Variants in PEAK1 observed in about 807,000 individuals in gnomAD.
PEAK1 encodes the protein pseudopodium enriched atypical kinase 1.
Under a neutral mutation model 124.7 loss-of-function variants are expected in PEAK1, and 54 were observed. The observed-to-expected ratio is 0.43, with a 90% CI of 0.35 to 0.54. The LOEUF (loss-of-function observed/expected upper bound fraction) is 0.54. Ranked by LOEUF, PEAK1 falls within the 20% of genes least tolerant of loss-of-function variation. PEAK1 has a pLI of 0.01. For synonymous variants in PEAK1, 719 were observed against 760.0 expected (o/e 0.95, Z 0.89); for missense variants, 2,046 against 2,134.5 (o/e 0.96, Z 0.82).
chr15:77,258,286 G>C (rs1206987810), intron 5 of PEAK1, among the ~76,000 whole-genome samples: 6 of 152,086 alleles, frequency 3.9e-5, no homozygotes, highest in African/African-American at 1.4e-4. Context: ...AGCTTGATGG[G>C]GATGGCATTG....
chr15:77,181,469 A>G lies in PEAK1; in HGVS notation c.458T>C (p.Leu153Ser), dbSNP rs2057267363. 6.2e-7 allele frequency: 1 copy of G among 1,614,008 alleles called. No individual in the cohort carries two copies. Residue 153 changes from leucine to serine, a missense_variant, in exon 7 of 10, where the codon TTA (leucine) becomes TCA (serine). Coordinates refer to ENST00000682557, the MANE Select transcript of PEAK1 (RefSeq NM_001385026.1). ...AGTATCCAAGCCTGCTATCTCCTTT[A>G]ACACTTCAGTTAGTCCATTATTGTT... Reference protein sequence around the residue: ...SDNNNGLTEVLKEIAGLDTAP... With the variant: ...SDNNNGLTEVSKEIAGLDTAP...
intron 6 of PEAK1, among the ~76,000 whole-genome samples, chr15:77,243,961 TC>T: frequency 6.7e-6 from 1 of 150,342 alleles, no homozygotes; most frequent in Non-Finnish European, 1.5e-5. Context: ...GAAGTGAAAC[TC>T]TTTCTCAAAA....
At chr15:77,320,020 T>C (rs1268631492) in intron 2 of PEAK1, among the ~76,000 whole-genome samples, 1 of 152,150 alleles carries the variant, frequency 6.6e-6, no homozygotes, top group Non-Finnish European at 1.5e-5. Context: ...TGCTTTAAAA[T>C]TTACTTTTGT....
chr15:77,383,644 A>G (rs2069676089), intron 1 of PEAK1, among the ~76,000 whole-genome samples: 1 of 152,106 alleles, frequency 6.6e-6, no homozygotes, highest in African/African-American at 2.4e-5. Context: ...AACTGGCATC[A>G]CCCCCATATA....
chr15:77,198,474 A>C (rs988023474), intron 6 of PEAK1, among the ~76,000 whole-genome samples: 1 of 152,178 alleles, frequency 6.6e-6, no homozygotes, highest in Non-Finnish European at 1.5e-5. Context: ...CTGTAGTTTG[A>C]GGTCTGTAGC....
chr15:77,167,801 A>G (rs2056212750), intron 7 of PEAK1, among the ~76,000 whole-genome samples: 1 of 152,138 alleles, frequency 6.6e-6, no homozygotes, highest in African/African-American at 2.4e-5. Flanking sequence ...GATTTGTTAC[A>G]TATGTATACA....
chr15:77,172,167 T>C (rs1052943335), intron 7 of PEAK1, among the ~76,000 whole-genome samples: 1 of 152,208 alleles, frequency 6.6e-6, no homozygotes, highest in African/African-American at 2.4e-5. Flanking sequence ...CTCAGTTACA[T>C]TCAAAGCCAT....
chr15:77,182,749 CAAAAAA>C lies in PEAK1; in HGVS notation c.-114-715_-114-710del, dbSNP rs71143395. 8.7e-3 allele frequency among the ~76,000 whole-genome samples: 564 copies of C among 65,160 alleles called. 10 individuals are homozygous for C. Among genetic ancestry groups the C allele is most frequent in the African/African-American group, 0.033 (532 of 16,208 alleles). The allele number at this position is 65,160 out of a possible 152,430, so 42.7% of individuals were successfully genotyped here. ...TGGGTGACAGAGTGAGACCTTGTCTCAAAAAAAAAAAAAAAAAAAAGGCTGAAAAGG... is the reference window on the plus strand; with the variant it reads ...TGGGTGACAGAGTGAGACCTTGTCTCAAAAAAAAAAAAAAGGCTGAAAAGG... On this transcript the variant is annotated intron_variant, in intron 6 of 9. Transcript: ENST00000682557.
chr15:77,218,530 T>C (rs2059247141), intron 6 of PEAK1, among the ~76,000 whole-genome samples: 1 of 152,112 alleles, frequency 6.6e-6, no homozygotes, highest in Non-Finnish European at 1.5e-5. Flanking sequence ...GTTAAGGAAT[T>C]ATGCCTCTAT....
chr15:77,167,420 A>G (rs1596442676), intron 7 of PEAK1, among the ~76,000 whole-genome samples: 1 of 152,244 alleles, frequency 6.6e-6, no homozygotes, highest in African/African-American at 2.4e-5. Context: ...ATTACGATAA[A>G]GTAAGATATT....
chr15:77,144,608 G>T (rs561577521), intron 8 of PEAK1, among the ~76,000 whole-genome samples: 1 of 152,184 alleles, frequency 6.6e-6, no homozygotes, highest in African/African-American at 2.4e-5. Context: ...AAGGTAGCAA[G>T]GAAATAAAGA....
chr15:77,366,533 A>G (rs2068252202), intron 1 of PEAK1, among the ~76,000 whole-genome samples: 1 of 152,034 alleles, frequency 6.6e-6, no homozygotes, highest in Admixed American at 6.6e-5. Context: ...GTTCATAGGA[A>G]TTTAAATTGG....
intron 6 of PEAK1, among the ~76,000 whole-genome samples, chr15:77,236,381 G>A (rs2060125419): frequency 6.6e-6 from 1 of 152,184 alleles, no homozygotes; most frequent in Non-Finnish European, 1.5e-5. Flanking sequence ...GATCATTTTG[G>A]GACTTTAAGA....
rs2057158826 is a variant in PEAK1 at position 77,180,164 on chromosome 15, G to A, written c.1763C>T (p.Pro588Leu). Residue 588 changes from proline to leucine, a missense_variant, in exon 7 of 10, where the codon CCT becomes CTT. By Grantham distance (98) the Pro-to-Leu change is moderately conservative. Transcript: ENST00000682557. ...ISSKTIPVKS[P>L]NLSEIKFNSY... ...ATTAAATTTAATTTCAGACAAATTAGGTGACTTAACAGGGATGGTTTTGGA... is the reference window on the plus strand; with the variant it reads ...ATTAAATTTAATTTCAGACAAATTAAGTGACTTAACAGGGATGGTTTTGGA... 3.1e-6 allele frequency: 5 copies of A among 1,613,946 alleles called. No homozygotes were observed. Among genetic ancestry groups the A allele is most frequent in the Admixed American group, 1.7e-5 (1 of 59,992 alleles).
At chr15:77,403,319 T>G (rs1397202207) in intron 1 of PEAK1, 1 of 953,382 alleles carries the variant, frequency 1.0e-6, no homozygotes, top group East Asian at 1.2e-4. Flanking sequence ...GCTAAACATG[T>G]TTTAAAATAA....
At chr15:77,415,231 T>C (rs1489805718) in intron 1 of PEAK1, among the ~76,000 whole-genome samples, 1 of 152,204 alleles carries the variant, frequency 6.6e-6, no homozygotes, top group Non-Finnish European at 1.5e-5. Context: ...TTCTTCAGTT[T>C]CCTAGTCATG....
Position 77,180,048 on chromosome 15 carries a change from G to A in PEAK1, c.1879C>T (p.Pro627Ser). The A allele has an allele frequency of 6.2e-7, 1 of 1,613,956 alleles. No homozygotes were observed. Among genetic ancestry groups the A allele is most frequent in the Non-Finnish European group, 8.5e-7 (1 of 1,179,888 alleles). The part of the protein sequence containing the change: ...ARSSKNAIKV[P>S]IVINPNAYDN... Reference sequence around the variant, plus strand: ...TATGCATTTGGATTGATAACAATGGGAACTTTGATAGCATTTTTGGAACTC... The same window carrying A: ...TATGCATTTGGATTGATAACAATGGAAACTTTGATAGCATTTTTGGAACTC... The change falls in exon 7 of 10, where the codon CCC becomes TCC. Residue 627 changes from proline (P) to serine (S), a missense_variant. Coordinates refer to ENST00000682557, the MANE Select transcript of PEAK1 (RefSeq NM_001385026.1).
At chr15:77,141,017 G>A (rs1040789074) in intron 8 of PEAK1, among the ~76,000 whole-genome samples, 5 of 151,992 alleles carry the variant, frequency 3.3e-5, no homozygotes, top group South Asian at 2.1e-4. Flanking sequence ...TCTATTCTAC[G>A]TTGTACAGGA....
chr15:77,257,012 T>C (rs1298435097), intron 5 of PEAK1, among the ~76,000 whole-genome samples: 1 of 152,152 alleles, frequency 6.6e-6, no homozygotes, highest in Admixed American at 6.5e-5. Context: ...ATACTGAGAA[T>C]GATGATTTCC....
Sources: gnomAD v4.1 joint callset for allele counts (sites outside exome capture counted in the v4.1 genomes callset) on GRCh38, gnomAD v4.1.1 for gene constraint, MANE v1.5 for transcripts, NCBI Gene and HGNC (gene_info 2026-07-23, HGNC 2026-07-21) for gene names.